Variants in GRIN2A observed in about 807,000 individuals in gnomAD.
GRIN2A encodes glutamate ionotropic receptor NMDA type subunit 2A, also known as glutamate receptor ionotropic, NMDA 2A.
Under a neutral mutation model 113.4 loss-of-function variants are expected in GRIN2A, and 22 were observed. The observed-to-expected ratio is 0.19, with a 90% CI of 0.14 to 0.28. GRIN2A has a LOEUF of 0.28. Ranked by LOEUF, GRIN2A falls within the 10% of genes least tolerant of loss-of-function variation. The pLI is 1.00. For synonymous variants in GRIN2A, 827 were observed against 738.4 expected (o/e 1.12, Z -1.94); for missense variants, 1,502 against 1,887.0 (o/e 0.80, Z 3.78).
chr16:10,118,185 C>A (rs536740174), intron 2 of GRIN2A, among the ~76,000 whole-genome samples: 1 of 152,298 alleles, frequency 6.6e-6, no homozygotes, highest in South Asian at 2.1e-4. Context: ...TACAGGAAGA[C>A]GTTCTCGAAG....
chr16:10,038,764 C>T (rs998620565), intron 2 of GRIN2A, among the ~76,000 whole-genome samples: 2 of 151,566 alleles, frequency 1.3e-5, no homozygotes, highest in African/African-American at 4.9e-5. Flanking sequence ...AGGACAATCA[C>T]GTGAACCCAG....
At chr16:10,177,244 T>C (rs1361803183) in intron 2 of GRIN2A, among the ~76,000 whole-genome samples, 2 of 152,246 alleles carry the variant, frequency 1.3e-5, no homozygotes, top group African/African-American at 4.8e-5. Flanking sequence ...ATCTCCTTTC[T>C]AAATACATCC....
chr16:9,884,776 G>T lies in GRIN2A; in HGVS notation c.1122+6210C>A, dbSNP rs181622423. Among the ~76,000 whole-genome samples the T allele has an allele frequency of 1.4e-5, 2 of 143,524 alleles. 1 individual carries two copies. Among genetic ancestry groups the T allele is most frequent in the East Asian group, 4.2e-4 (2 of 4,772 alleles). 94.2% of individuals were successfully genotyped at this position (143,524 alleles called of 152,430 possible). ...TTTTTTTTTTTTTTTTTGAGATGGA[G>T]TCTCACTCTGTGGCCCAGGCTGGAG... On this transcript the variant is annotated intron_variant, in intron 4 of 12. Transcript: ENST00000330684.
intron 2 of GRIN2A, among the ~76,000 whole-genome samples, chr16:10,068,019 G>A (rs2047682036): frequency 6.6e-6 from 1 of 152,236 alleles, no homozygotes. Context: ...CTACAAGATG[G>A]CTGAAAGCCA....
chr16:10,042,509 TACTG>T (rs1390094008), intron 2 of GRIN2A, among the ~76,000 whole-genome samples: 1 of 152,212 alleles, frequency 6.6e-6, no homozygotes, highest in East Asian at 1.9e-4. Flanking sequence ...CTGGCCAATG[TACTG>T]ACCACAGCCT....
intron 5 of GRIN2A, among the ~76,000 whole-genome samples, chr16:9,842,442 TC>T (rs1265202583): frequency 2.0e-5 from 3 of 152,210 alleles, no homozygotes; most frequent in Non-Finnish European, 4.4e-5. Flanking sequence ...TGTTTGAATA[TC>T]CCATTTTTGG....
intron 2 of GRIN2A, among the ~76,000 whole-genome samples, chr16:10,039,254 A>G (rs1000987161): frequency 6.6e-6 from 1 of 152,152 alleles, no homozygotes; most frequent in East Asian, 1.9e-4. Flanking sequence ...GTTTGGCTGC[A>G]TCTAGCGTGT....
intron 10 of GRIN2A, among the ~76,000 whole-genome samples, chr16:9,799,807 T>C (rs779212778): frequency 6.6e-6 from 1 of 152,170 alleles, no homozygotes; most frequent in Non-Finnish European, 1.5e-5. Flanking sequence ...GTATAACGTA[T>C]GTGTAATAAA....
chr16:10,113,867 A>G (rs1182352071), intron 2 of GRIN2A, among the ~76,000 whole-genome samples: 1 of 152,186 alleles, frequency 6.6e-6, no homozygotes, highest in African/African-American at 2.4e-5. Context: ...TTAAAAGACT[A>G]TTTCATGACC....
intron 8 of GRIN2A, among the ~76,000 whole-genome samples, chr16:9,832,086 TTTTA>T (rs35044218): frequency 0.34 from 45,734 of 135,426 alleles, 8,340 homozygotes; most frequent in East Asian, 0.56. Flanking sequence ...GCCAGGCTTA[TTTTA>T]TTTATTTATT....
At position 9,948,355 on chromosome 16, in the gene GRIN2A, G is replaced by T. The variant is rs185093874; in HGVS notation, c.415-9804C>A. The stretch of plus-strand genomic sequence containing the variant: ...GATCTTGTTAAAACACAGCGGGTGG[G>T]GGCTGGGGCATTGCAAGCAAGCTCC... On this transcript the variant is annotated intron_variant, in intron 2 of 12. Coordinates refer to ENST00000330684, the MANE Select transcript of GRIN2A (RefSeq NM_001134407.3). Among the ~76,000 whole-genome samples, 66 of 152,286 alleles carry T rather than the reference G, an allele frequency of 4.3e-4. 2 individuals carry two copies. Among genetic ancestry groups the T allele is most frequent in the African/African-American group, 1.5e-3 (62 of 41,562 alleles).
At chr16:10,179,926 G>A (rs554396441) in intron 2 of GRIN2A, 72 bp downstream of exon 2, 8 of 857,740 alleles carry the variant, frequency 9.3e-6, no homozygotes, top group African/African-American at 5.4e-5. Flanking sequence ...AGGGGCGTCC[G>A]AAGACCTGCA....
At chr16:10,044,022 T>TATATAGAGAGAGAGAGAGAG (rs531659457) in intron 2 of GRIN2A, among the ~76,000 whole-genome samples, 9 of 108,006 alleles carry the variant, frequency 8.3e-5, no homozygotes, top group Admixed American at 4.3e-4. Flanking sequence ...TATATATATA[T>TATATAGAGAGAGAGAGAGAG]AGAGAGAGAG....
intron 2 of GRIN2A, among the ~76,000 whole-genome samples, chr16:10,034,535 CAAA>C (rs58076569): frequency 0.074 from 2,693 of 36,256 alleles, 20 homozygotes; most frequent in African/African-American, 0.16. Flanking sequence ...CAAAAAAAAG[CAAA>C]AAAAAAAAAA....
intron 10 of GRIN2A, among the ~76,000 whole-genome samples, chr16:9,813,693 C>T (rs1391305288): frequency 6.7e-6 from 1 of 149,496 alleles, no homozygotes; most frequent in East Asian, 1.9e-4. Flanking sequence ...GAACCCCACC[C>T]CCCCGCAAAA....
intron 5 of GRIN2A, among the ~76,000 whole-genome samples, chr16:9,841,972 C>G (rs1489328182): frequency 2.6e-5 from 4 of 152,180 alleles, no homozygotes; most frequent in Admixed American, 2.6e-4. Flanking sequence ...AGAAAGGAGG[C>G]CGGGTATGGT....
chr16:10,172,868 G>A (rs958463465), intron 2 of GRIN2A, among the ~76,000 whole-genome samples: 2 of 152,200 alleles, frequency 1.3e-5, no homozygotes, highest in Non-Finnish European at 2.9e-5. Context: ...TGACTTATCA[G>A]AGGCTACCAA....
At chr16:10,087,031 G>A (rs1481380039) in intron 2 of GRIN2A, among the ~76,000 whole-genome samples, 2 of 152,214 alleles carry the variant, frequency 1.3e-5, no homozygotes, top group African/African-American at 2.4e-5. Context: ...AACAAGGAGT[G>A]GAGGAGAAGC....
intron 2 of GRIN2A, among the ~76,000 whole-genome samples, chr16:9,993,554 T>A (rs889168740): frequency 6.6e-6 from 1 of 152,156 alleles, no homozygotes; most frequent in African/African-American, 2.4e-5. Context: ...TGAGAACCCA[T>A]CACTAAAATA....
Sources: gnomAD v4.1 joint callset for allele counts (sites outside exome capture counted in the v4.1 genomes callset) on GRCh38, gnomAD v4.1.1 for gene constraint, MANE v1.5 for transcripts, NCBI Gene and HGNC (gene_info 2026-07-23, HGNC 2026-07-21) for gene names.